KIF26B: variants seen among roughly 807,000 people sequenced by gnomAD.
KIF26B encodes kinesin-like protein KIF26B.
KIF26B carries 63 observed loss-of-function variants against 151.2 expected under a neutral mutation model. That is an observed-to-expected ratio of 0.42 (90% CI 0.34 to 0.51). KIF26B has a LOEUF of 0.51. Ranked by LOEUF, KIF26B falls within the 20% of genes least tolerant of loss-of-function variation. The pLI is 0.07. For missense variants in KIF26B, 2,813 were observed against 2,913.6 expected (o/e 0.97, Z 0.79); for synonymous variants, 1,357 against 1,262.1 (o/e 1.08, Z -1.59).
chr1:245,268,359 C>T (rs374994461), intron 2 of KIF26B, among the ~76,000 whole-genome samples: 1 of 151,692 alleles, frequency 6.6e-6, no homozygotes, highest in Non-Finnish European at 1.5e-5. Context: ...GTAGTCCCAG[C>T]TACTCAGGAG....
intron 8 of KIF26B, among the ~76,000 whole-genome samples, chr1:245,610,947 A>G (rs1337122588): frequency 6.6e-6 from 1 of 152,222 alleles, no homozygotes; most frequent in African/African-American, 2.4e-5. Flanking sequence ...ATGTACTGCA[A>G]ATTAGTTCTT....
At position 245,688,074 on chromosome 1, in the gene KIF26B, G is replaced by T; in HGVS notation, c.5091G>T (p.Ala1697=). 1 of 1,552,140 alleles carries T rather than the reference G, an allele frequency of 6.4e-7. No homozygotes were observed. The highest frequency in any genetic ancestry group is 1.2e-5 in the South Asian group (1 of 84,418). Residue 1697 remains alanine, a synonymous_variant, in exon 12 of 15, where the codon GCG becomes GCT. Transcript: ENST00000407071. ...CCTCCGTGAGCTCCCGGCTGCACGC[G>T]GGCAAGGACGGCACCATGCCCCGCG... The part of the protein sequence containing the change: ...SLSSVSSRLH[A]GKDGTMPRAG...
rs1558279816 is a variant in KIF26B, at chr1:245,698,291, C to T, written c.6010C>T (p.Arg2004Ter). The T allele has an allele frequency of 3.1e-6, 5 of 1,613,306 alleles. No individual in the cohort carries two copies. The highest frequency in any genetic ancestry group is 1.7e-5 in the Admixed American group (1 of 60,012). The change falls in exon 13 of 15, where the codon CGA becomes TGA. Residue 2004 changes from arginine to a stop codon, truncating the protein, a stop_gained. Transcript: ENST00000407071. LOFTEE classifies it high-confidence loss of function. The surrounding 1 kb of genome is among the most constrained non-coding windows in gnomAD (Gnocchi z 4.0). The part of the protein sequence containing the change: ...IDDVERLQRR[R>*]GGASKEAMCF... ...TGACGTGGAGCGCCTGCAGCGGCGA[C>T]GAGGGGGTGCCAGCAAGGTGAGGCA...
intron 9 of KIF26B, 126 bp from the exon 10 acceptor site, chr1:245,645,995 T>G: frequency 2.0e-6 from 2 of 981,074 alleles, no homozygotes; most frequent in Non-Finnish European, 3.0e-6. Flanking sequence ...TCCTAGTAGG[T>G]CATGAACGTC....
chr1:245,349,071 C>A (rs770499854), intron 2 of KIF26B, among the ~76,000 whole-genome samples: 2 of 152,158 alleles, frequency 1.3e-5, no homozygotes, highest in African/African-American at 2.4e-5. Flanking sequence ...TCAGAAGAGA[C>A]CTCCGTGAGA....
At chr1:245,664,359 C>CA (rs10661396) in intron 10 of KIF26B, among the ~76,000 whole-genome samples, 79,420 of 140,660 alleles carry the variant, frequency 0.56, 22,417 homozygotes, top group East Asian at 0.82. Context: ...AACTCCATCT[C>CA]AAAAAAAAAA....
At chr1:245,357,010 T>G (rs1172737040) in intron 2 of KIF26B, among the ~76,000 whole-genome samples, 7 of 152,190 alleles carry the variant, frequency 4.6e-5, no homozygotes, top group Non-Finnish European at 1.0e-4. Flanking sequence ...GTCACTGAGC[T>G]GGGAGTGGAC....
chr1:245,558,729 T>A (rs1368212189), intron 5 of KIF26B, among the ~76,000 whole-genome samples: 1 of 152,236 alleles, frequency 6.6e-6, no homozygotes, highest in Non-Finnish European at 1.5e-5. Context: ...CAGTTACTCT[T>A]TACCTGGACA....
intron 4 of KIF26B, among the ~76,000 whole-genome samples, chr1:245,448,870 T>A (rs1020311066): frequency 6.6e-6 from 1 of 152,238 alleles, no homozygotes; most frequent in African/African-American, 2.4e-5. Flanking sequence ...TGAACATCTA[T>A]GGAGTCCAGA....
chr1:245,612,095 T>TGAGAGA (rs1372836126), intron 9 of KIF26B, 119 bp downstream of exon 9: 76 of 695,482 alleles, frequency 1.1e-4, no homozygotes, highest in East Asian at 8.1e-4. Context: ...TGTGTGTGTG[T>TGAGAGA]GTGTGTGTGT....
chr1:245,428,323 A>T (rs1158439576), intron 4 of KIF26B, among the ~76,000 whole-genome samples: 1 of 152,218 alleles, frequency 6.6e-6, no homozygotes, highest in Non-Finnish European at 1.5e-5. Flanking sequence ...ACCTTATGAA[A>T]GGAAAACATT....
intron 5 of KIF26B, among the ~76,000 whole-genome samples, chr1:245,561,950 C>A (rs984383018): frequency 6.6e-6 from 1 of 152,164 alleles, no homozygotes; most frequent in Non-Finnish European, 1.5e-5. Flanking sequence ...CTTTCTGTGG[C>A]CTGATTTTCT....
In KIF26B at chr1:245,536,632, G is replaced by A. The variant is rs548463053; in HGVS notation, c.1167-4135G>A. Among the ~76,000 whole-genome samples the A allele has an allele frequency of 2.6e-5, 4 of 152,218 alleles. No homozygotes were observed. The South Asian group carries it at 6.2e-4, about 24-fold the overall frequency. On this transcript the variant is annotated intron_variant, in intron 4 of 14. Transcript: ENST00000407071. ...CAGCAATGATCATTTATCATCTCTCGAGGTTTCTGGGGGTCTAAAATTCAG... is the reference window on the plus strand; with the variant it reads ...CAGCAATGATCATTTATCATCTCTCAAGGTTTCTGGGGGTCTAAAATTCAG...
At chr1:245,297,756 A>G (rs1190907568) in intron 2 of KIF26B, among the ~76,000 whole-genome samples, 2 of 152,224 alleles carry the variant, frequency 1.3e-5, no homozygotes, top group Non-Finnish European at 2.9e-5. Flanking sequence ...GGGTCAAATG[A>G]GGACATGGTT....
At chr1:245,457,244 G>A (rs1352838660) in intron 4 of KIF26B, among the ~76,000 whole-genome samples, 1 of 152,160 alleles carries the variant, frequency 6.6e-6, no homozygotes, top group Non-Finnish European at 1.5e-5. Flanking sequence ...AGAGCTAGTA[G>A]GAGAATTTTT....
chr1:245,590,581 T>C (rs2043276914), intron 5 of KIF26B, among the ~76,000 whole-genome samples: 1 of 152,028 alleles, frequency 6.6e-6, no homozygotes, highest in South Asian at 2.1e-4. Context: ...TGGTGGAAGT[T>C]GGAAGACCTT....
chr1:245,312,479 A>G (rs1386156256), intron 2 of KIF26B, among the ~76,000 whole-genome samples: 6 of 152,112 alleles, frequency 3.9e-5, no homozygotes, highest in African/African-American at 1.4e-4. Flanking sequence ...AGGGGAGCTT[A>G]AAACAATTCT....
At chr1:245,314,633 A>C (rs1251243730) in intron 2 of KIF26B, among the ~76,000 whole-genome samples, 1 of 151,722 alleles carries the variant, frequency 6.6e-6, no homozygotes, top group Non-Finnish European at 1.5e-5. Context: ...GCTCACCCTC[A>C]CCTCTGTTGG....
intron 4 of KIF26B, among the ~76,000 whole-genome samples, chr1:245,529,265 C>T (rs1306992152): frequency 6.6e-6 from 1 of 152,134 alleles, no homozygotes. Flanking sequence ...GGGTTAACCC[C>T]TGGCAAGGCA....
Sources: gnomAD v4.1 joint callset for allele counts (sites outside exome capture counted in the v4.1 genomes callset) on GRCh38, gnomAD v4.1.1 for gene constraint, Gnocchi (gnomAD v3.1) non-coding constraint, MANE v1.5 for transcripts, NCBI Gene and HGNC (gene_info 2026-07-23, HGNC 2026-07-21) for gene names.